The following RIPOR3 variants were observed in gnomAD, a reference collection of about 807,000 sequenced individuals.
RIPOR3 encodes RIPOR family member 3.
A neutral mutation model predicts 114.3 loss-of-function variants in RIPOR3; 95 were observed. The ratio of observed to expected loss-of-function variants is 0.83; its 90% CI spans 0.70 to 0.99. RIPOR3 has a LOEUF of 0.99. Among genes scored for constraint, RIPOR3 ranks in the 50% least tolerant of loss-of-function variants. The pLI, the probability that RIPOR3 is intolerant of heterozygous loss-of-function variation, is 0.00. For missense variants in RIPOR3, 1,252 were observed against 1,266.9 expected (o/e 0.99, Z 0.18); for synonymous variants, 575 against 543.8 (o/e 1.06, Z -0.80).
intron 11 of RIPOR3, among the ~76,000 whole-genome samples, 200 bp from the exon 12 acceptor site, chr20:50,604,974 A>G (rs2083651942): frequency 2.0e-5 from 3 of 152,176 alleles, no homozygotes. Context: ...CCAGGTTGGA[A>G]TGCAGTGGTG....
At position 50,608,445 on chromosome 20, in the gene RIPOR3, G is replaced by C. The variant is rs540693764; in HGVS notation, c.900C>G (p.Ile300Met). 2.5e-6 allele frequency: 4 copies of C among 1,613,990 alleles called. No individual in the cohort carries two copies. Among genetic ancestry groups the C allele is most frequent in the East Asian group, 4.5e-5 (2 of 44,866 alleles). Residue 300 changes from isoleucine (I) to methionine (M), a missense_variant, in exon 11 of 22, where the codon ATC (isoleucine) becomes ATG (methionine). Physicochemically the swap from Ile to Met is conservative, Grantham distance 10 (BLOSUM62 1). Transcript: ENST00000327979. ...ADFFTTRPQV[I>M]VVDITELGTI... ...TACCCAACTCCGTGATGTCCACCAC[G>C]ATGACCTGCGGCCGCGTCGTGAAGA... is the stretch of plus-strand genomic sequence containing the variant.
intron 11 of RIPOR3, among the ~76,000 whole-genome samples, 190 bp downstream of exon 11, chr20:50,608,199 C>T (rs1240271258): frequency 1.3e-5 from 2 of 152,178 alleles, no homozygotes; most frequent in Non-Finnish European, 2.9e-5. Flanking sequence ...ACCAGAAAGG[C>T]AGGCAGGGGC....
intron 3 of RIPOR3, among the ~76,000 whole-genome samples, chr20:50,619,615 C>A (rs994404499): frequency 6.6e-6 from 1 of 152,256 alleles, no homozygotes; most frequent in South Asian, 2.1e-4. Context: ...TTTGCCCACA[C>A]TGTTGCCTGT....
chr20:50,611,248 A>T (rs1279474690), intron 4 of RIPOR3, 44 bp from the exon 5 acceptor site: 1 of 1,613,688 alleles, frequency 6.2e-7, no homozygotes, highest in Admixed American at 1.7e-5. Context: ...TCAGAGTCCC[A>T]CATGTTCCTC....
At chr20:50,644,768 A>G (rs543009602) in intron 1 of RIPOR3, among the ~76,000 whole-genome samples, 1 of 139,606 alleles carries the variant, frequency 7.2e-6, no homozygotes, top group East Asian at 2.1e-4. Context: ...GCGATCCTCA[A>G]CCTCAACCTC....
chr20:50,645,916 C>T (rs973756947), intron 1 of RIPOR3: 1 of 152,222 alleles, frequency 6.6e-6, no homozygotes, highest in Non-Finnish European at 1.5e-5. Context: ...CACATCAAGC[C>T]GGCCTGCTGT....
At chr20:50,622,250 C>T (rs532854868) in intron 2 of RIPOR3, among the ~76,000 whole-genome samples, 5 of 150,496 alleles carry the variant, frequency 3.3e-5, no homozygotes, top group Non-Finnish European at 5.9e-5. Flanking sequence ...GGTGCAATCT[C>T]GGCTCACTGC....
intron 1 of RIPOR3, among the ~76,000 whole-genome samples, chr20:50,655,504 TG>T (rs1348834262): frequency 6.6e-6 from 1 of 152,148 alleles, no homozygotes; most frequent in African/African-American, 2.4e-5. Flanking sequence ...TGGAATGAAT[TG>T]GGGGGTTGTT....
At chr20:50,654,530 T>A (rs867373452) in intron 1 of RIPOR3, among the ~76,000 whole-genome samples, 1 of 149,064 alleles carries the variant, frequency 6.7e-6, no homozygotes, top group Admixed American at 6.9e-5. Context: ...GAGGCAGAGT[T>A]TTTGTCTGCG....
At chr20:50,618,466 C>A (rs2084268439) in intron 3 of RIPOR3, among the ~76,000 whole-genome samples, 1 of 152,130 alleles carries the variant, frequency 6.6e-6, no homozygotes, top group Non-Finnish European at 1.5e-5. Context: ...CCTTGCTGCG[C>A]CCCAGGGCCT....
At chr20:50,588,154 G>A (rs2082983900) in intron 20 of RIPOR3, among the ~76,000 whole-genome samples, 1 of 152,250 alleles carries the variant, frequency 6.6e-6, no homozygotes. Context: ...GATGCCTGCT[G>A]AAAGGCTAGA....
At chr20:50,631,312 G>C (rs1406670618) in intron 1 of RIPOR3, among the ~76,000 whole-genome samples, 1 of 152,202 alleles carries the variant, frequency 6.6e-6, no homozygotes, top group Admixed American at 6.5e-5. Context: ...TTACGATACA[G>C]AGTCCATGCT....
chr20:50,663,433 C>G (rs751181262), intron 1 of RIPOR3, among the ~76,000 whole-genome samples: 2 of 152,196 alleles, frequency 1.3e-5, no homozygotes, highest in Non-Finnish European at 2.9e-5. Flanking sequence ...TGCGACTCCA[C>G]CTCTCCAAGC....
intron 1 of RIPOR3, among the ~76,000 whole-genome samples, chr20:50,654,422 GTTTTTTTTTTTTT>G (rs34825514): frequency 1.2e-4 from 7 of 56,116 alleles, no homozygotes; most frequent in African/African-American, 3.9e-4. Flanking sequence ...AGGAGGCAGA[GTTTTTTTTTTTTT>G]TTTTTTTTTT....
chr20:50,597,383 G>A (rs1159434525), intron 14 of RIPOR3, 197 bp downstream of exon 14: 6 of 715,036 alleles, frequency 8.4e-6, no homozygotes, highest in East Asian at 2.8e-5. Flanking sequence ...CACCCACTTC[G>A]TGGTCTCTGA....
intron 15 of RIPOR3, 87 bp downstream of exon 15, chr20:50,596,053 C>T: frequency 6.4e-7 from 1 of 1,572,682 alleles, no homozygotes; most frequent in Non-Finnish European, 8.6e-7. Context: ...CCCCTTCATG[C>T]TTCCCACCAC....
At chr20:50,671,460 A>ATG (rs2086494005) in intron 1 of RIPOR3, among the ~76,000 whole-genome samples, 1 of 150,000 alleles carries the variant, frequency 6.7e-6, no homozygotes, top group East Asian at 2.0e-4. Context: ...ACACACACAC[A>ATG]TAACTTCTTG....
At chr20:50,625,283 G>A (rs1034981719) in intron 2 of RIPOR3, among the ~76,000 whole-genome samples, 5 of 152,188 alleles carry the variant, frequency 3.3e-5, no homozygotes, top group African/African-American at 1.2e-4. Context: ...TGTTGCCCAG[G>A]CTGGTCTTGA....
At chr20:50,637,996 G>T (rs1422729162) in intron 1 of RIPOR3, among the ~76,000 whole-genome samples, 1 of 151,792 alleles carries the variant, frequency 6.6e-6, no homozygotes, top group Non-Finnish European at 1.5e-5. Flanking sequence ...GATCCACATG[G>T]TGTGAGCCAC....
Sources: gnomAD v4.1 joint callset for allele counts (sites outside exome capture counted in the v4.1 genomes callset) on GRCh38, gnomAD v4.1.1 for gene constraint, MANE v1.5 for transcripts, NCBI Gene and HGNC (gene_info 2026-07-23, HGNC 2026-07-21) for gene names.